NUP88: variants seen among roughly 807,000 people sequenced by gnomAD.
NUP88 encodes nuclear pore complex protein Nup88.
Under a neutral mutation model 93.9 loss-of-function variants are expected in NUP88, and 57 were observed. That is an observed-to-expected ratio of 0.61 (90% CI 0.49 to 0.76). NUP88 has a LOEUF of 0.76. Ranked by LOEUF, NUP88 falls within the 30% of genes least tolerant of loss-of-function variation. The pLI is 0.00. For synonymous variants in NUP88, 346 were observed against 336.8 expected (o/e 1.03, Z -0.30); for missense variants, 911 against 901.0 (o/e 1.01, Z -0.14).
intron 8 of NUP88, among the ~76,000 whole-genome samples, chr17:5,395,377 C>T (rs550827465): frequency 1.6e-4 from 25 of 152,144 alleles, no homozygotes; most frequent in South Asian, 1.0e-3. Flanking sequence ...TTGAACATCT[C>T]TTATCTGAAA....
intron 2 of NUP88, among the ~76,000 whole-genome samples, chr17:5,415,700 C>T (rs1287669010): frequency 1.3e-5 from 2 of 152,168 alleles, no homozygotes; most frequent in Admixed American, 6.5e-5. Context: ...CATCCTAAAT[C>T]GGGGATCCTC....
chr17:5,396,620 C>T (rs75377332), intron 8 of NUP88, among the ~76,000 whole-genome samples: 240 of 152,302 alleles, frequency 1.6e-3, no homozygotes, highest in African/African-American at 5.4e-3. Flanking sequence ...TGTGTGGATA[C>T]AGGTCTTCAT....
intron 2 of NUP88, among the ~76,000 whole-genome samples, chr17:5,415,344 T>C (rs1378976322): frequency 6.6e-6 from 1 of 152,142 alleles, no homozygotes; most frequent in Non-Finnish European, 1.5e-5. Context: ...ATTTCATACG[T>C]ATATATACAT....
At chr17:5,390,583 T>C (rs1321919325) in intron 10 of NUP88, among the ~76,000 whole-genome samples, 2 of 152,238 alleles carry the variant, frequency 1.3e-5, no homozygotes, top group Non-Finnish European at 2.9e-5. Flanking sequence ...TTTTTGGTAC[T>C]CATATTCCTA....
rs372582002 is a variant in NUP88, at chr17:5,399,670, T to A, written c.1193-20A>T. On this transcript the variant is annotated intron_variant, in intron 7 of 16. Coordinates refer to ENST00000573584, the MANE Select transcript of NUP88 (RefSeq NM_002532.6). ...TGGGATCTGCAAATGGAATGATTAATGATACAAAGGTAGCCAGTGGATAAC... is the reference window on the plus strand; with the variant it reads ...TGGGATCTGCAAATGGAATGATTAAAGATACAAAGGTAGCCAGTGGATAAC... The A allele has an allele frequency of 7.1e-7, 1 of 1,403,348 alleles. No homozygotes were observed. The highest frequency in any genetic ancestry group is 1.0e-6 in the Non-Finnish European group (1 of 996,930). 86.9% of individuals were successfully genotyped at this position (1,403,348 alleles called of 1,614,324 possible). A position where few individuals can be genotyped will look rare whatever the true frequency, so the allele number is the denominator to read the frequency against.
intron 12 of NUP88, 50 bp downstream of exon 12, chr17:5,387,729 C>T: frequency 6.2e-7 from 1 of 1,607,136 alleles, no homozygotes. Context: ...TACCATACAG[C>T]ATCAGCTACC....
rs1164250334 is a variant in NUP88, at chr17:5,410,912, T to C, written c.594-123A>G. 1.3e-5 allele frequency: 9 copies of C among 675,066 alleles called. No individual in the cohort carries two copies. In the Admixed American group the frequency reaches 2.4e-4, roughly 18 times the overall value. 41.8% of individuals were successfully genotyped at this position (675,066 alleles called of 1,614,324 possible). On this transcript the variant is annotated intron_variant, in intron 3 of 16. Coordinates refer to ENST00000573584, the MANE Select transcript of NUP88 (RefSeq NM_002532.6). ...CTAACACTTATCACAACTATTTCTT[T>C]GCAAAAATCTTGCTGTTGCAAAGTA...
At position 5,387,891 on chromosome 17, in the gene NUP88, C is replaced by T. The variant is rs372552207; in HGVS notation, c.1657G>A (p.Asp553Asn). The change falls in exon 12 of 17, where the codon GAC becomes AAC. Residue 553 changes from aspartate to asparagine, a missense_variant. Transcript: ENST00000573584. ...NPAFLKASEK[D>N]IAPPPEECLQ... Reference sequence around the variant, plus strand: ...CATTCTTCAGGAGGAGGGGCTATGTCCTTTTCAGAAGCTCTTAAAAACAAA... The same window carrying T: ...CATTCTTCAGGAGGAGGGGCTATGTTCTTTTCAGAAGCTCTTAAAAACAAA... The T allele has an allele frequency of 1.7e-5, 27 of 1,613,222 alleles. No individual in the cohort carries two copies. Among genetic ancestry groups the T allele is most frequent in the Non-Finnish European group, 2.1e-5 (25 of 1,179,694 alleles).
chr17:5,389,528 A>G (rs537325679), intron 10 of NUP88, among the ~76,000 whole-genome samples: 17 of 152,346 alleles, frequency 1.1e-4, no homozygotes, highest in Non-Finnish European at 2.9e-5. Flanking sequence ...CTGTAATCCC[A>G]GCACTTTGGG....
chr17:5,391,748 C>T lies in NUP88; in HGVS notation c.1383-86G>A, dbSNP rs1008302956. 3.7e-6 allele frequency: 4 copies of T among 1,084,216 alleles called. No homozygotes were observed. The African/African-American group carries it at 4.7e-5, about 13-fold the overall frequency. 67.2% of individuals were successfully genotyped at this position (1,084,216 alleles called of 1,614,324 possible). A position where few individuals can be genotyped will look rare whatever the true frequency, so the allele number is the denominator to read the frequency against. ...AGACATGACAGGTCCGCGGCCTTCTCAGGCCTGGGCTGAAGTTGCTTGGGA... is the reference window on the plus strand; with the variant it reads ...AGACATGACAGGTCCGCGGCCTTCTTAGGCCTGGGCTGAAGTTGCTTGGGA... On this transcript the variant is annotated intron_variant, in intron 9 of 16. Transcript: ENST00000573584.
In NUP88 at chr17:5,416,494, T is replaced by G; in HGVS notation, c.467+19A>C. The G allele has an allele frequency of 6.5e-7, 1 of 1,549,916 alleles. No homozygotes were observed. On this transcript the variant is annotated intron_variant, in intron 2 of 16. Transcript: ENST00000573584. Reference sequence around the variant, plus strand: ...CTGTATATATAATAAATTATACAGATAAATAGTATACAACTTACCTACAAT... The same window carrying G: ...CTGTATATATAATAAATTATACAGAGAAATAGTATACAACTTACCTACAAT...
chr17:5,403,392 G>C (rs1246408433), intron 7 of NUP88, among the ~76,000 whole-genome samples: 1 of 152,198 alleles, frequency 6.6e-6, no homozygotes, highest in Non-Finnish European at 1.5e-5. Context: ...CAGAAGAATT[G>C]CTTGAACCCA....
chr17:5,388,944 C>G lies in NUP88; in HGVS notation c.1501G>C (p.Ala501Pro), dbSNP rs754050881. The G allele has an allele frequency of 1.1e-5, 18 of 1,610,372 alleles. 1 individual carries two copies. The South Asian group carries it at 2.0e-4, about 18-fold the overall frequency. ...CGAGTACAAAGCAGGGGAGGAGACG[C>G]TGGATGGACTGTACTTCTGCAAAAT... ...IWPLLSTVHP[A>P]SPPLLCTRED... is the part of the protein sequence containing the mutation. Residue 501 changes from alanine (A) to proline (P), a missense_variant, in exon 11 of 17, where the codon GCG becomes CCG. By Grantham distance (27) the Ala-to-Pro change is conservative. Coordinates refer to ENST00000573584, the MANE Select transcript of NUP88 (RefSeq NM_002532.6).
intron 2 of NUP88, among the ~76,000 whole-genome samples, chr17:5,416,188 T>TACATACACACACACAC (rs1555530313): frequency 7.9e-6 from 1 of 126,200 alleles, no homozygotes; most frequent in African/African-American, 3.0e-5. Flanking sequence ...TATACACACA[T>TACATACACACACACAC]ACACACACAC....
intron 4 of NUP88, 97 bp downstream of exon 4, chr17:5,410,606 T>A: frequency 1.4e-6 from 1 of 717,044 alleles, no homozygotes; most frequent in South Asian, 1.7e-5. Flanking sequence ...AAAAGCATGC[T>A]AGTCACCTCT....
At position 5,385,180 on chromosome 17, in the gene NUP88, T is replaced by C. The variant is rs562522459; in HGVS notation, c.*1026A>G. On this transcript the variant is annotated 3_prime_UTR_variant, in exon 17 of 17. Transcript: ENST00000573584. Reference sequence around the variant, plus strand: ...AACCCAAACTGAGACTCTTAAGTTTTGTTTAGCAATGTGTTTCTGGTATGA... The same window carrying C: ...AACCCAAACTGAGACTCTTAAGTTTCGTTTAGCAATGTGTTTCTGGTATGA... The C allele has an allele frequency of 2.6e-5, 6 of 229,940 alleles. No homozygotes were observed. In the South Asian group the frequency reaches 1.1e-3, roughly 42 times the overall value. The allele number at this position is 229,940 out of a possible 1,614,324, so 14.2% of individuals were successfully genotyped here. A position where few individuals can be genotyped will look rare whatever the true frequency, so the allele number is the denominator to read the frequency against.
At chr17:5,391,482 T>A (rs553498265) in intron 10 of NUP88, 79 bp downstream of exon 10, 2 of 1,109,446 alleles carry the variant, frequency 1.8e-6, no homozygotes, top group East Asian at 2.4e-5. Context: ...AGCTTCAAGT[T>A]GGTTACTGAG....
At position 5,416,764 on chromosome 17, in the gene NUP88, T is replaced by TC. The variant is rs397856667; in HGVS notation, c.298-83_298-82insG. 6 of 1,054,134 alleles carry TC rather than the reference T, an allele frequency of 5.7e-6. No homozygotes were observed. The Admixed American group carries it at 1.2e-4, about 21-fold the overall frequency. The allele number at this position is 1,054,134 out of a possible 1,614,324, so 65.3% of individuals were successfully genotyped here. ...AGTTACTTGAAATCACAGTAATACT[T>TC]AGTTTACTACAATTATAGGATAATA... On this transcript the variant is annotated intron_variant, in intron 1 of 16. Coordinates refer to ENST00000573584, the MANE Select transcript of NUP88 (RefSeq NM_002532.6).
chr17:5,386,705 TACTC>T lies in NUP88; in HGVS notation c.2161_2162+2del, dbSNP rs1912008236. The T allele has an allele frequency of 6.4e-7, 1 of 1,563,472 alleles. No homozygotes were observed. Among genetic ancestry groups the T allele is most frequent in the Non-Finnish European group, 8.8e-7 (1 of 1,134,406 alleles). On this transcript the variant is annotated splice_donor_variant and coding_sequence_variant, in exon 16 of 17. Coordinates refer to ENST00000573584, the MANE Select transcript of NUP88 (RefSeq NM_002532.6). LOFTEE classifies it high-confidence loss of function. ...TAATAGCTGATTGGAAGTATTTACT[TACTC>T]CTCTTTCAGGATGGACTGAATGCAC...
Sources: gnomAD v4.1 joint callset for allele counts (sites outside exome capture counted in the v4.1 genomes callset) on GRCh38, gnomAD v4.1.1 for gene constraint, MANE v1.5 for transcripts, NCBI Gene and HGNC (gene_info 2026-07-23, HGNC 2026-07-21) for gene names.